Variants in PRLR observed in about 807,000 individuals in gnomAD.
The protein encoded by PRLR is prolactin receptor, also known as hPRL receptor.
A neutral mutation model predicts 40.2 loss-of-function variants in PRLR; 13 were observed. The observed-to-expected ratio is 0.32, with a 90% CI of 0.21 to 0.51. The LOEUF (loss-of-function observed/expected upper bound fraction) is 0.51, where lower values mean the gene tolerates loss of function less well. Ranked by LOEUF, PRLR falls within the 20% of genes least tolerant of loss-of-function variation. The probability of loss-of-function intolerance (pLI) is 0.97; values close to 1 mark genes in which losing one functional copy is unlikely to be tolerated. For synonymous variants in PRLR, 269 were observed against 278.7 expected (o/e 0.97, Z 0.35); for missense variants, 656 against 747.3 (o/e 0.88, Z 1.42).
intron 1 of PRLR, among the ~76,000 whole-genome samples, chr5:35,198,492 GC>G (rs576259503): frequency 1.1e-3 from 160 of 152,268 alleles, no homozygotes; most frequent in African/African-American, 3.6e-3. Flanking sequence ...CTGGATATTG[GC>G]ATTTCCAGTA....
chr5:35,054,308 G>C (rs1768617824), downstream of PRLR, among the ~76,000 whole-genome samples: 1 of 152,150 alleles, frequency 6.6e-6, no homozygotes, highest in Non-Finnish European at 1.5e-5. Context: ...CCACCTCTAG[G>C]TGTATATTTT....
rs551390910 is a variant in PRLR, at chr5:35,104,521, C to G, written c.-44+13540G>C. Among the ~76,000 whole-genome samples, 657 of 152,270 alleles carry G rather than the reference C, an allele frequency of 4.3e-3. 3 individuals carry two copies. Among genetic ancestry groups the G allele is most frequent in the Admixed American group, 6.6e-3 (101 of 15,308 alleles). Reference sequence around the variant, plus strand: ...CCTGGAAAATCGGGACACTCCAACTCTAATACTGCACTTTTCCAATGGTCT... The same window carrying G: ...CCTGGAAAATCGGGACACTCCAACTGTAATACTGCACTTTTCCAATGGTCT... On this transcript the variant is annotated intron_variant, in intron 2 of 9. Coordinates refer to ENST00000618457, the MANE Select transcript of PRLR (RefSeq NM_000949.7).
In PRLR at chr5:35,111,330, G is replaced by A. The variant is rs541533365; in HGVS notation, c.-44+6731C>T. Among the ~76,000 whole-genome samples, 119 of 152,130 alleles carry A rather than the reference G, an allele frequency of 7.8e-4. 1 individual carries two copies. The South Asian group carries it at 0.022, about 28-fold the overall frequency. ...TTTATTTAATTCTCTTCCCAACCCC[G>A]TGAGATTTCTGGATGGTAACACTGA... On this transcript the variant is annotated intron_variant, in intron 2 of 9. Transcript: ENST00000618457.
At chr5:35,088,323 G>A (rs569195429) in intron 3 of PRLR, among the ~76,000 whole-genome samples, 2 of 152,316 alleles carry the variant, frequency 1.3e-5, no homozygotes, top group South Asian at 4.1e-4. Flanking sequence ...GGGAGTTACA[G>A]CAAGAATGCA....
intron 2 of PRLR, among the ~76,000 whole-genome samples, chr5:35,115,005 A>G (rs1772924529): frequency 6.6e-6 from 1 of 152,218 alleles, no homozygotes; most frequent in South Asian, 2.1e-4. Context: ...TACCAGCCTC[A>G]GTCTCAAGAC....
intron 2 of PRLR, among the ~76,000 whole-genome samples, chr5:35,098,810 A>C (rs1351751687): frequency 1.3e-5 from 2 of 152,178 alleles, no homozygotes; most frequent in Non-Finnish European, 2.9e-5. Flanking sequence ...ATCATTACAG[A>C]ATCATGGGAT....
At chr5:35,134,317 C>T (rs1354163192) in intron 1 of PRLR, among the ~76,000 whole-genome samples, 1 of 151,832 alleles carries the variant, frequency 6.6e-6, no homozygotes, top group African/African-American at 2.4e-5. Context: ...GGCTTGATGG[C>T]TCCTCTTTCC....
At chr5:35,229,769 G>A (rs187549379) in intron 1 of PRLR, among the ~76,000 whole-genome samples, 2 of 151,912 alleles carry the variant, frequency 1.3e-5, no homozygotes, top group Non-Finnish European at 2.9e-5. Flanking sequence ...CGAGGCTGCT[G>A]CGGCGGCGGC....
intron 2 of PRLR, among the ~76,000 whole-genome samples, chr5:35,102,141 A>G (rs1383339054): frequency 1.3e-5 from 2 of 152,022 alleles, no homozygotes; most frequent in African/African-American, 4.8e-5. Context: ...CTTTTAATCT[A>G]TTGGGTGCAC....
intron 1 of PRLR, among the ~76,000 whole-genome samples, chr5:35,140,717 T>G (rs1419243486): frequency 6.6e-6 from 1 of 152,342 alleles, no homozygotes; most frequent in East Asian, 1.9e-4. Context: ...AGGGCTGCCA[T>G]TCAGCTGGCT....
intron 1 of PRLR, among the ~76,000 whole-genome samples, chr5:35,164,979 G>A (rs1201766071): frequency 1.3e-5 from 2 of 152,180 alleles, no homozygotes; most frequent in Non-Finnish European, 2.9e-5. Flanking sequence ...GTCCACTTAC[G>A]AATGAGAGGG....
intron 1 of PRLR, among the ~76,000 whole-genome samples, chr5:35,161,514 A>G (rs1774673317): frequency 6.6e-6 from 1 of 152,244 alleles, no homozygotes; most frequent in African/African-American, 2.4e-5. Flanking sequence ...AACTCTATCC[A>G]CATGACTTTA....
intron 1 of PRLR, among the ~76,000 whole-genome samples, chr5:35,122,236 G>GT (rs981567558): frequency 6.6e-6 from 1 of 151,152 alleles, no homozygotes; most frequent in Non-Finnish European, 1.5e-5. Context: ...GTTCTTTCTT[G>GT]TTTTTTTTTC....
At chr5:35,205,483 C>T (rs758422710) in intron 1 of PRLR, among the ~76,000 whole-genome samples, 24 of 149,688 alleles carry the variant, frequency 1.6e-4, no homozygotes, top group Admixed American at 8.0e-4. Flanking sequence ...AAAAACTGTT[C>T]GGCTATCCTC....
rs1561266423 is a variant in PRLR, at chr5:35,070,251, C to T, written c.558G>A (p.Gly186=). The change falls in exon 7 of 10, where the codon GGG becomes GGA. Residue 186 remains glycine (G), a synonymous_variant. Coordinates refer to ENST00000618457, the MANE Select transcript of PRLR (RefSeq NM_000949.7). Reference sequence around the variant, plus strand: ...TGAGAATCTTAAACTCTGTTTGCTGCCCAGCAAAATGGATCTAAGGTAGAA... The same window carrying T: ...TGAGAATCTTAAACTCTGTTTGCTGTCCAGCAAAATGGATCTAAGGTAGAA... ...KAAEWEIHFA[G]QQTEFKILSL... 1 of 1,613,812 alleles carries T rather than the reference C, an allele frequency of 6.2e-7. No individual in the cohort carries two copies. Among genetic ancestry groups the T allele is most frequent in the Admixed American group, 1.7e-5 (1 of 59,946 alleles).
At chr5:35,226,913 G>A (rs7735260) in intron 1 of PRLR, among the ~76,000 whole-genome samples, 17,092 of 152,274 alleles carry the variant, frequency 0.11, 1,054 homozygotes, top group East Asian at 0.17. Flanking sequence ...ACAAAACAGA[G>A]CTCAGCAAAT....
rs1768710030 is a variant in PRLR, at chr5:35,056,272, A to G, written c.*8817T>C. ...GGTGTTGGGACTTCCAAGGTAGAAT[A>G]CATCTGACAATATCAAAAACAGACT... is the stretch of plus-strand genomic sequence containing the variant. On this transcript the variant is annotated 3_prime_UTR_variant, in exon 10 of 10. Coordinates refer to ENST00000618457, the MANE Select transcript of PRLR (RefSeq NM_000949.7). 1 of 152,180 alleles carries G rather than the reference A, an allele frequency of 6.6e-6. No individual in the cohort carries two copies. The allele number at this position is 152,180 out of a possible 1,614,324, so 9.4% of individuals were successfully genotyped here. A position where few individuals can be genotyped will look rare whatever the true frequency, so the allele number is the denominator to read the frequency against.
chr5:35,155,699 C>T (rs919100152), intron 1 of PRLR, among the ~76,000 whole-genome samples: 3 of 152,120 alleles, frequency 2.0e-5, no homozygotes, highest in Non-Finnish European at 4.4e-5. Context: ...ACCGGAGATT[C>T]CAAAGCTAAT....
At chr5:35,053,810 A>C (rs1452345665), downstream of PRLR, among the ~76,000 whole-genome samples, 1 of 152,182 alleles carries the variant, frequency 6.6e-6, no homozygotes, top group Non-Finnish European at 1.5e-5. Context: ...CTCATCTGAA[A>C]ATTCATATGA....
Sources: allele counts gnomAD v4.1 joint callset (sites outside exome capture counted in the v4.1 genomes callset), GRCh38; gene constraint gnomAD v4.1.1; transcripts MANE v1.5; gene names NCBI Gene and HGNC (gene_info 2026-07-23, HGNC 2026-07-21).